The following LRRC7 variants were observed in gnomAD, a reference collection of about 807,000 sequenced individuals.
LRRC7 encodes leucine-rich repeat-containing protein 7.
A neutral mutation model predicts 175.7 loss-of-function variants in LRRC7; 23 were observed. That is an observed-to-expected ratio of 0.13 (90% CI 0.09 to 0.19). LRRC7 has a LOEUF of 0.19. Among genes scored for constraint, LRRC7 ranks in the 10% least tolerant of loss-of-function variants. LRRC7 has a pLI of 1.00. For synonymous variants in LRRC7, 685 were observed against 680.9 expected, an observed-to-expected ratio of 1.01 and a Z score of -0.09; for missense variants, 1,354 against 1,904.7, an observed-to-expected ratio of 0.71 and a Z score of 5.38.
chr1:69,705,313 G>A (rs1227101474), intron 2 of LRRC7, among the ~76,000 whole-genome samples: 1 of 152,118 alleles, frequency 6.6e-6, no homozygotes, highest in African/African-American at 2.4e-5. Flanking sequence ...GAGGGAAGAG[G>A]ACACTGGTAG....
intron 1 of LRRC7, among the ~76,000 whole-genome samples, chr1:69,665,288 G>A (rs925174383): frequency 1.3e-5 from 2 of 152,022 alleles, no homozygotes. Flanking sequence ...GCTATTCTGA[G>A]TCTCTTGTGG....
intron 1 of LRRC7, among the ~76,000 whole-genome samples, chr1:69,613,830 G>T (rs1382837408): frequency 1.3e-5 from 2 of 151,988 alleles, no homozygotes; most frequent in Admixed American, 6.6e-5. Flanking sequence ...AGTTAGAAAA[G>T]AATTATTCTG....
At chr1:70,069,423 C>T (rs1321752216) in intron 23 of LRRC7, among the ~76,000 whole-genome samples, 2 of 152,134 alleles carry the variant, frequency 1.3e-5, no homozygotes, top group African/African-American at 4.8e-5. Context: ...CACCTGGTCC[C>T]GCCCTTGACA....
At chr1:69,839,559 G>A (rs1681494972) in intron 7 of LRRC7, among the ~76,000 whole-genome samples, 1 of 150,126 alleles carries the variant, frequency 6.7e-6, no homozygotes, top group South Asian at 2.1e-4. Context: ...TAGTGCCACT[G>A]AGTCCATCCC....
In LRRC7 at chr1:69,863,016, C is replaced by T. The variant is rs1252233970; in HGVS notation, c.647+24733C>T. Among the ~76,000 whole-genome samples, 3 of 152,290 alleles carry T rather than the reference C, an allele frequency of 2.0e-5. No homozygotes were observed. In the South Asian group the frequency reaches 6.2e-4, roughly 32 times the overall value. On this transcript the variant is annotated intron_variant, in intron 7 of 26. Transcript: ENST00000651989. ...GTTTCAGTATTGAATTCATCATTTACATCACTATCTGTACTTTTTTCAGTA... is the reference window on the plus strand; with the variant it reads ...GTTTCAGTATTGAATTCATCATTTATATCACTATCTGTACTTTTTTCAGTA...
Position 70,140,208 on chromosome 1 carries a change from G to A in LRRC7, c.*18321G>A, listed in dbSNP as rs998615408. 3.9e-5 allele frequency: 6 copies of A among 152,124 alleles called. No homozygotes were observed. The highest frequency in any genetic ancestry group is 3.9e-4 in the Admixed American group (6 of 15,252). The allele number at this position is 152,124 out of a possible 1,614,324, so 9.4% of individuals were successfully genotyped here. A position where few individuals can be genotyped will look rare whatever the true frequency, so the allele number is the denominator to read the frequency against. ...CTAAGCATGGGCATGCCTTTCCAAA[G>A]GGTATATTTGATCCTACAGTTAATT... On this transcript the variant is annotated 3_prime_UTR_variant, in exon 27 of 27. Coordinates refer to ENST00000651989, the MANE Select transcript of LRRC7 (RefSeq NM_001370785.2).
rs921594709 is a variant in LRRC7 at position 69,707,449 on chromosome 1, C to T, written c.100+28971C>T. Reference sequence around the variant, plus strand: ...CCCAGATTGGTAATCTGCTTTATTACGCGCCAATTTCTGGCTTCCTTTCCT... The same window carrying T: ...CCCAGATTGGTAATCTGCTTTATTATGCGCCAATTTCTGGCTTCCTTTCCT... On this transcript the variant is annotated intron_variant, in intron 2 of 26. Coordinates refer to ENST00000651989, the MANE Select transcript of LRRC7 (RefSeq NM_001370785.2). Among the ~76,000 whole-genome samples the T allele has an allele frequency of 7.9e-5, 12 of 152,090 alleles. 1 individual carries two copies. Among genetic ancestry groups the T allele is most frequent in the Admixed American group, 2.6e-4 (4 of 15,252 alleles).
intron 1 of LRRC7, among the ~76,000 whole-genome samples, chr1:69,675,579 G>A (rs564110968): frequency 6.6e-6 from 1 of 152,192 alleles, no homozygotes; most frequent in East Asian, 1.9e-4. Context: ...ACTATCTTAA[G>A]CTTGTAAATA....
intron 22 of LRRC7, among the ~76,000 whole-genome samples, chr1:70,048,391 C>G (rs745783682): frequency 2.0e-5 from 3 of 152,012 alleles, no homozygotes; most frequent in Non-Finnish European, 4.4e-5. Context: ...AAAGAACTCA[C>G]CTGTATTGTC....
intron 25 of LRRC7, among the ~76,000 whole-genome samples, chr1:70,096,219 C>T (rs1449768848): frequency 2.0e-5 from 3 of 152,186 alleles, no homozygotes; most frequent in Non-Finnish European, 4.4e-5. Flanking sequence ...TCAGGTGATC[C>T]GCCTGCCGCG....
At chr1:69,731,761 A>G (rs1667606174) in intron 2 of LRRC7, among the ~76,000 whole-genome samples, 1 of 152,196 alleles carries the variant, frequency 6.6e-6, no homozygotes, top group Admixed American at 6.5e-5. Context: ...GCAAATCTAT[A>G]CAAGGATTCT....
chr1:70,109,023 T>TTTTTG (rs973384685), intron 26 of LRRC7, among the ~76,000 whole-genome samples: 6 of 116,582 alleles, frequency 5.1e-5, no homozygotes, highest in Non-Finnish European at 1.0e-4. Context: ...TTTGTTTTTG[T>TTTTTG]TTTTGTTTTT....
intron 1 of LRRC7, among the ~76,000 whole-genome samples, chr1:69,629,851 T>C (rs1652201238): frequency 6.6e-6 from 1 of 152,154 alleles, no homozygotes; most frequent in African/African-American, 2.4e-5. Context: ...TCAGTAACTA[T>C]TTCTTATCTT....
chr1:69,818,641 G>A (rs1678878381), intron 4 of LRRC7, among the ~76,000 whole-genome samples: 1 of 152,040 alleles, frequency 6.6e-6, no homozygotes, highest in African/African-American at 2.4e-5. Context: ...GGATTTGAAA[G>A]TGTTCCCTTC....
Position 69,991,596 on chromosome 1 carries a change from C to T in LRRC7, c.932-2965C>T, listed in dbSNP as rs187422878. Among the ~76,000 whole-genome samples the T allele has an allele frequency of 1.3e-4, 20 of 152,108 alleles. No individual in the cohort carries two copies. The East Asian group carries it at 3.5e-3, about 26-fold the overall frequency. ...GAAACTGAGAGCTCTGTTCTGAGGCCCTAGAATGGTTCATTAGTGATAATT... is the reference window on the plus strand; with the variant it reads ...GAAACTGAGAGCTCTGTTCTGAGGCTCTAGAATGGTTCATTAGTGATAATT... On this transcript the variant is annotated intron_variant, in intron 10 of 26. Coordinates refer to ENST00000651989, the MANE Select transcript of LRRC7 (RefSeq NM_001370785.2).
chr1:69,718,463 A>G (rs988141555), intron 2 of LRRC7, among the ~76,000 whole-genome samples: 1 of 151,876 alleles, frequency 6.6e-6, no homozygotes, highest in Non-Finnish European at 1.5e-5. Flanking sequence ...TTGGAACATA[A>G]CATTCGTATG....
intron 1 of LRRC7, among the ~76,000 whole-genome samples, chr1:69,615,941 G>A (rs547554744): frequency 8.6e-5 from 13 of 152,032 alleles, no homozygotes; most frequent in South Asian, 8.3e-4. Context: ...TTGCTCCTTC[G>A]GGGCTGGTCA....
Position 69,834,803 on chromosome 1 carries a change from T to A in LRRC7, c.524T>A (p.Leu175His). The change falls in exon 6 of 27, where the codon CTC (leucine) becomes CAC (histidine). Residue 175 changes from leucine (L) to histidine (H), a missense_variant. Transcript: ENST00000651989. ...ISKLPDGFTQ[L>H]LNLTQLYLND... is the part of the protein sequence containing the mutation. Reference sequence around the variant, plus strand: ...AGACTACCTGATGGCTTCACACAGCTCCTAAACCTGACCCAGCTCTACCTG... The same window carrying A: ...AGACTACCTGATGGCTTCACACAGCACCTAAACCTGACCCAGCTCTACCTG... The A allele has an allele frequency of 6.2e-7, 1 of 1,613,298 alleles. No individual in the cohort carries two copies.
chr1:69,813,112 A>T (rs1678148347), intron 4 of LRRC7, among the ~76,000 whole-genome samples: 1 of 152,050 alleles, frequency 6.6e-6, no homozygotes, highest in South Asian at 2.1e-4. Context: ...CCACCAATCC[A>T]TTATATTGGC....
Sources: allele counts gnomAD v4.1 joint callset (sites outside exome capture counted in the v4.1 genomes callset), GRCh38; gene constraint gnomAD v4.1.1; transcripts MANE v1.5; gene names NCBI Gene and HGNC (gene_info 2026-07-23, HGNC 2026-07-21).